Variants in PIEZO2 observed in about 807,000 individuals in gnomAD.
PIEZO2 encodes piezo-type mechanosensitive ion channel component 2.
Under a neutral mutation model 337.3 loss-of-function variants are expected in PIEZO2, and 172 were observed. That is an observed-to-expected ratio of 0.51 (90% CI 0.45 to 0.58). The LOEUF (loss-of-function observed/expected upper bound fraction) is 0.58, where lower values mean the gene tolerates loss of function less well. Among genes scored for constraint, PIEZO2 ranks in the 20% least tolerant of loss-of-function variants. The pLI is 0.00. For missense variants in PIEZO2, 3,028 were observed against 3,391.3 expected, an observed-to-expected ratio of 0.89 and a Z score of 2.66; for synonymous variants, 1,251 against 1,228.5, an observed-to-expected ratio of 1.02 and a Z score of -0.38.
At chr18:11,022,413 T>G (rs1243562715) in intron 2 of PIEZO2, among the ~76,000 whole-genome samples, 1 of 152,256 alleles carries the variant, frequency 6.6e-6, no homozygotes, top group East Asian at 1.9e-4. Context: ...AGCAAAGCAC[T>G]GCAGACTGGG....
In PIEZO2 at chr18:10,746,701, A is replaced by G. The variant is rs556408310; in HGVS notation, c.4424+1770T>C. Among the ~76,000 whole-genome samples, 1 of 152,290 alleles carries G rather than the reference A, an allele frequency of 6.6e-6. No homozygotes were observed. The highest frequency in any genetic ancestry group is 1.9e-4 in the East Asian group (1 of 5,172). ...TCATGAATGGGATTACTATCTTTAT[A>G]AAAGAAGCCCAAGGGGGGTCTCTTG... On this transcript the variant is annotated intron_variant, in intron 30 of 55. Coordinates refer to ENST00000674853, the MANE Select transcript of PIEZO2 (RefSeq NM_001378183.1). This position sits in a 1 kb window ranked among gnomAD's most constrained non-coding sequence, Gnocchi z 4.2.
At chr18:11,076,316 C>T (rs2038542533) in intron 1 of PIEZO2, among the ~76,000 whole-genome samples, 1 of 152,056 alleles carries the variant, frequency 6.6e-6, no homozygotes, top group South Asian at 2.1e-4. Context: ...TAGGGTAAAG[C>T]CTAAAGGAAA....
chr18:10,731,175 GATTATATATATATATATATATAT>G (rs1282111325), intron 36 of PIEZO2, among the ~76,000 whole-genome samples: 25 of 117,826 alleles, frequency 2.1e-4, no homozygotes, highest in South Asian at 1.6e-3. Flanking sequence ...CTACTTAAAA[GATTATATATATATATATATATAT>G]ATATATATAT....
chr18:10,917,596 G>A (rs1319293335), intron 3 of PIEZO2, among the ~76,000 whole-genome samples: 11 of 152,170 alleles, frequency 7.2e-5, no homozygotes, highest in Admixed American at 7.2e-4. Context: ...GGTGGTCAAA[G>A]GAGGCACAGT....
chr18:10,757,613 G>A (rs1371597102), intron 27 of PIEZO2, among the ~76,000 whole-genome samples: 1 of 151,162 alleles, frequency 6.6e-6, no homozygotes, highest in East Asian at 1.9e-4. Context: ...GGGGGATGAG[G>A]AAGAGGGAGG....
At chr18:10,907,872 T>C (rs1052771363) in intron 4 of PIEZO2, among the ~76,000 whole-genome samples, 35 of 152,208 alleles carry the variant, frequency 2.3e-4, no homozygotes, top group African/African-American at 7.7e-4. Flanking sequence ...ATAAAAAAAA[T>C]TGAGTCTGCT....
In PIEZO2 at chr18:10,766,021, G is replaced by A. The variant is rs1022866698; in HGVS notation, c.2947-2923C>T. On this transcript the variant is annotated intron_variant, in intron 21 of 55. Coordinates refer to ENST00000674853, the MANE Select transcript of PIEZO2 (RefSeq NM_001378183.1). This position sits in a 1 kb window ranked among gnomAD's most constrained non-coding sequence, Gnocchi z 6.1. ...GAGGACTAAAGAGCCTCTGTGCGGTGAATATTTTTATTTTTATCATTTTAC... is the reference window on the plus strand; with the variant it reads ...GAGGACTAAAGAGCCTCTGTGCGGTAAATATTTTTATTTTTATCATTTTAC... 2.6e-5 allele frequency among the ~76,000 whole-genome samples: 4 copies of A among 152,142 alleles called. No individual in the cohort carries two copies. The highest frequency in any genetic ancestry group is 2.1e-4 in the South Asian group (1 of 4,826).
At chr18:10,699,371 T>A (rs1486919487) in intron 43 of PIEZO2, among the ~76,000 whole-genome samples, 194 bp from the exon 44 acceptor site, 1 of 152,088 alleles carries the variant, frequency 6.6e-6, no homozygotes, top group South Asian at 2.1e-4. Context: ...CGTAATTGAG[T>A]CATGGCGGCA....
chr18:10,674,770 G>A (rs545309731), intron 54 of PIEZO2, among the ~76,000 whole-genome samples: 26 of 152,298 alleles, frequency 1.7e-4, no homozygotes, highest in African/African-American at 6.0e-4. Context: ...GTTATATTGC[G>A]AAAATTCAAT....
intron 21 of PIEZO2, among the ~76,000 whole-genome samples, chr18:10,765,353 C>A (rs919061574): frequency 6.6e-6 from 1 of 152,118 alleles, no homozygotes; most frequent in Non-Finnish European, 1.5e-5. Context: ...AAAACCCATC[C>A]AGCGTCTTAG....
In PIEZO2 at chr18:10,767,568, G is replaced by T. The variant is rs1348711645; in HGVS notation, c.2946+2580C>A. Among the ~76,000 whole-genome samples, 1 of 152,164 alleles carries T rather than the reference G, an allele frequency of 6.6e-6. No homozygotes were observed. The highest frequency in any genetic ancestry group is 1.5e-5 in the Non-Finnish European group (1 of 68,034). On this transcript the variant is annotated intron_variant, in intron 21 of 55. Coordinates refer to ENST00000674853, the MANE Select transcript of PIEZO2 (RefSeq NM_001378183.1). This position sits in a 1 kb window ranked among gnomAD's most constrained non-coding sequence, Gnocchi z 4.2. ...GCCCGAGTGAGGAGCTAATGACTCG[G>T]AGCCCGATGCGTGAACCCTGGAGCT...
chr18:10,943,666 T>G lies in PIEZO2; in HGVS notation c.287-32438A>C, dbSNP rs1030361031. Among the ~76,000 whole-genome samples the G allele has an allele frequency of 1.3e-5, 2 of 152,152 alleles. No homozygotes were observed. Among genetic ancestry groups the G allele is most frequent in the African/African-American group, 2.4e-5 (1 of 41,440 alleles). ...TTTGCACTGTGGACTTTTGAGTTAATGATGAAATGAGTTGAGACTTTGGGG... is the reference window on the plus strand; with the variant it reads ...TTTGCACTGTGGACTTTTGAGTTAAGGATGAAATGAGTTGAGACTTTGGGG... On this transcript the variant is annotated intron_variant, in intron 3 of 55. Transcript: ENST00000674853. The surrounding 1 kb of genome is among the most constrained non-coding windows in gnomAD (Gnocchi z 4.5).
At chr18:10,866,192 G>A (rs577012351) in intron 5 of PIEZO2, among the ~76,000 whole-genome samples, 23 of 151,900 alleles carry the variant, frequency 1.5e-4, no homozygotes, top group Non-Finnish European at 2.9e-4. Context: ...TCCTCTTTGC[G>A]AATTATTTAA....
chr18:11,062,364 C>G (rs1268542943), intron 2 of PIEZO2, among the ~76,000 whole-genome samples: 2 of 152,136 alleles, frequency 1.3e-5, no homozygotes, highest in Non-Finnish European at 2.9e-5. Flanking sequence ...GACTTCATGT[C>G]TAAAACACCA....
rs2037343551 is a variant in PIEZO2 at position 11,047,065 on chromosome 18, G to T, written c.160+19062C>A. Reference sequence around the variant, plus strand: ...GGTTTTGGTAGCAAAACAAGGACCAGATTTCCGTCTTCACTCATCCTTTCC... The same window carrying T: ...GGTTTTGGTAGCAAAACAAGGACCATATTTCCGTCTTCACTCATCCTTTCC... On this transcript the variant is annotated intron_variant, in intron 2 of 55. Transcript: ENST00000674853. This position sits in a 1 kb window ranked among gnomAD's most constrained non-coding sequence, Gnocchi z 7.2. Among the ~76,000 whole-genome samples the T allele has an allele frequency of 6.6e-6, 1 of 152,222 alleles. No individual in the cohort carries two copies.
chr18:10,731,497 C>T lies in PIEZO2; in HGVS notation c.4939G>A (p.Asp1647Asn). ...AKFVYQAWIT[D>N]PKTALRQRHK... ...CTTTGTCGGAGTGCTGTTTTAGGAT[C>T]AGTAATCCAGGCTTGATAAACAAAC... The change falls in exon 36 of 56, where the codon GAT becomes AAT. Residue 1647 changes from aspartate to asparagine, a missense_variant. Asp to Asn is a conservative substitution (Grantham distance 23, BLOSUM62 1). Coordinates refer to ENST00000674853, the MANE Select transcript of PIEZO2 (RefSeq NM_001378183.1). The T allele has an allele frequency of 1.3e-6, 2 of 1,531,758 alleles. No homozygotes were observed. Among genetic ancestry groups the T allele is most frequent in the Non-Finnish European group, 1.7e-6 (2 of 1,144,296 alleles). The allele number at this position is 1,531,758 out of a possible 1,614,324, so 94.9% of individuals were successfully genotyped here. A position where few individuals can be genotyped will look rare whatever the true frequency, so the allele number is the denominator to read the frequency against.
At chr18:10,881,136 CT>C (rs2042408769) in intron 4 of PIEZO2, among the ~76,000 whole-genome samples, 2 of 151,456 alleles carry the variant, frequency 1.3e-5, no homozygotes, top group South Asian at 2.1e-4. Flanking sequence ...AATTAGGTAC[CT>C]TTTTTTAAAC....
At chr18:10,770,390 G>A (rs1470618479) in intron 20 of PIEZO2, 82 bp from the exon 21 acceptor site, 2 of 1,334,808 alleles carry the variant, frequency 1.5e-6, no homozygotes, top group South Asian at 1.6e-5. Context: ...CTTTCAGGTT[G>A]GAATGAGAGG....
intron 7 of PIEZO2, 81 bp from the exon 8 acceptor site, chr18:10,807,355 G>T: frequency 7.6e-7 from 1 of 1,315,008 alleles, no homozygotes; most frequent in Non-Finnish European, 1.0e-6. Flanking sequence ...CTTTGTTTTT[G>T]ATACATTCGT....
Sources: allele counts gnomAD v4.1 joint callset (sites outside exome capture counted in the v4.1 genomes callset), GRCh38; gene constraint gnomAD v4.1.1; non-coding constraint Gnocchi (gnomAD v3.1); transcripts MANE v1.5; gene names NCBI Gene and HGNC (gene_info 2026-07-23, HGNC 2026-07-21).